RABGAP1L: variants seen among roughly 807,000 people sequenced by gnomAD.
RABGAP1L encodes rab GTPase-activating protein 1-like.
RABGAP1L carries 63 observed loss-of-function variants against 137.7 expected under a neutral mutation model. The observed-to-expected ratio is 0.46, with a 90% CI of 0.37 to 0.56. The LOEUF (loss-of-function observed/expected upper bound fraction) is 0.56. RABGAP1L is among the 20% of genes least tolerant of loss of function. RABGAP1L has a pLI of 0.00. For missense variants in RABGAP1L, 1,095 were observed against 1,244.0 expected, an observed-to-expected ratio of 0.88 and a Z score of 1.80; for synonymous variants, 431 against 433.7, an observed-to-expected ratio of 0.99 and a Z score of 0.08.
At position 174,393,992 on chromosome 1, in the gene RABGAP1L, C is replaced by T. The variant is rs1485433988; in HGVS notation, c.1560-3C>T. 1.9e-6 allele frequency: 3 copies of T among 1,611,134 alleles called. No individual in the cohort carries two copies. Among genetic ancestry groups the T allele is most frequent in the Non-Finnish European group, 2.5e-6 (3 of 1,178,948 alleles). On this transcript the variant is annotated splice_region_variant and splice_polypyrimidine_tract_variant and intron_variant, in intron 12 of 25. Transcript: ENST00000681986. ...TGAATGGATTATTTTCTTGTCTTCTCAGGCACAGTAACCTTGGTGCACGAC... is the reference window on the plus strand; with the variant it reads ...TGAATGGATTATTTTCTTGTCTTCTTAGGCACAGTAACCTTGGTGCACGAC...
At chr1:174,453,612 G>A (rs1364004013) in intron 13 of RABGAP1L, among the ~76,000 whole-genome samples, 4 of 152,110 alleles carry the variant, frequency 2.6e-5, no homozygotes, top group African/African-American at 4.8e-5. Flanking sequence ...GTACTCTGAC[G>A]TGTAGGTTCC....
At chr1:174,458,368 G>T (rs943957994) in intron 13 of RABGAP1L, among the ~76,000 whole-genome samples, 3 of 151,608 alleles carry the variant, frequency 2.0e-5, no homozygotes, top group African/African-American at 7.3e-5. Context: ...AAAAAAATTT[G>T]CTGATGCCTG....
At chr1:174,810,976 C>T (rs1296413137) in intron 18 of RABGAP1L, among the ~76,000 whole-genome samples, 2 of 151,728 alleles carry the variant, frequency 1.3e-5, no homozygotes, top group African/African-American at 4.8e-5. Flanking sequence ...GTGGTGTGTG[C>T]CTGTAGTTCC....
At chr1:174,437,439 C>T (rs1434484966) in intron 13 of RABGAP1L, among the ~76,000 whole-genome samples, 1 of 152,004 alleles carries the variant, frequency 6.6e-6, no homozygotes, top group Non-Finnish European at 1.5e-5. Context: ...CCTCAGTAAC[C>T]GATTCGATCA....
At chr1:174,394,951 T>G (rs1396419851) in intron 13 of RABGAP1L, among the ~76,000 whole-genome samples, 1 of 67,858 alleles carries the variant, frequency 1.5e-5, no homozygotes, top group African/African-American at 1.8e-4. Flanking sequence ...TGAATTCAGT[T>G]TTTTTTTTTT....
At chr1:174,400,354 G>A (rs1429137574) in intron 13 of RABGAP1L, among the ~76,000 whole-genome samples, 4 of 151,982 alleles carry the variant, frequency 2.6e-5, no homozygotes, top group African/African-American at 4.8e-5. Flanking sequence ...ATTGATTAAT[G>A]TCTGCTTCCC....
At chr1:174,854,985 G>A (rs1307703526) in intron 19 of RABGAP1L, among the ~76,000 whole-genome samples, 2 of 151,674 alleles carry the variant, frequency 1.3e-5, no homozygotes, top group Admixed American at 6.6e-5. Flanking sequence ...TGATCCACCC[G>A]CCTCGGCTTC....
At chr1:174,475,153 A>G (rs1658371152) in intron 13 of RABGAP1L, among the ~76,000 whole-genome samples, 1 of 152,026 alleles carries the variant, frequency 6.6e-6, no homozygotes, top group South Asian at 2.1e-4. Context: ...TCACCTTGGG[A>G]GCCTGTTCAA....
At chr1:174,527,658 C>G (rs74488594) in intron 13 of RABGAP1L, among the ~76,000 whole-genome samples, 3,196 of 152,204 alleles carry the variant, frequency 0.021, 117 homozygotes, top group African/African-American at 0.074. Context: ...TCCATTAGGT[C>G]TGAAGTCCAG....
chr1:174,755,597 A>G (rs1684684268), intron 18 of RABGAP1L, among the ~76,000 whole-genome samples: 2 of 152,254 alleles, frequency 1.3e-5, no homozygotes, highest in African/African-American at 4.8e-5. Flanking sequence ...AAGCCCAATC[A>G]TAATCCTGTT....
At chr1:174,691,086 C>G (rs1315453639) in intron 15 of RABGAP1L, among the ~76,000 whole-genome samples, 1 of 152,074 alleles carries the variant, frequency 6.6e-6, no homozygotes, top group Non-Finnish European at 1.5e-5. Context: ...ACACAGCCTC[C>G]CAAAGTGCTG....
intron 17 of RABGAP1L, among the ~76,000 whole-genome samples, chr1:174,749,916 C>T (rs1684209685): frequency 6.6e-6 from 1 of 152,088 alleles, no homozygotes. Context: ...CTCGCTCTGT[C>T]ACCCAGGCTG....
At chr1:174,330,718 T>C (rs1046317704) in intron 11 of RABGAP1L, among the ~76,000 whole-genome samples, 1 of 152,192 alleles carries the variant, frequency 6.6e-6, no homozygotes, top group African/African-American at 2.4e-5. Flanking sequence ...AGATATATCA[T>C]GTTCATGGAT....
At chr1:174,274,468 G>A (rs1674803712) in intron 8 of RABGAP1L, among the ~76,000 whole-genome samples, 2 of 152,060 alleles carry the variant, frequency 1.3e-5, no homozygotes, top group Admixed American at 6.6e-5. Flanking sequence ...CAAGTTTGTA[G>A]CCTTGGAGCA....
chr1:174,183,115 T>A (rs1332537150), intron 1 of RABGAP1L, among the ~76,000 whole-genome samples: 2 of 152,238 alleles, frequency 1.3e-5, no homozygotes, highest in Non-Finnish European at 2.9e-5. Context: ...TATTATTGTT[T>A]TCATCTTTAT....
chr1:174,821,035 A>G lies in RABGAP1L; in HGVS notation c.2340+9075A>G, dbSNP rs1235296241. Among the ~76,000 whole-genome samples, 87 of 152,052 alleles carry G rather than the reference A, an allele frequency of 5.7e-4. 1 individual carries two copies. Among genetic ancestry groups the G allele is most frequent in the Non-Finnish European group, 1.6e-4 (11 of 67,952 alleles). On this transcript the variant is annotated intron_variant, in intron 19 of 25. Coordinates refer to ENST00000681986, the MANE Select transcript of RABGAP1L (RefSeq NM_001366446.1). The stretch of plus-strand genomic sequence containing the variant: ...CCATCTCAAAAAGAAAAAAAAAAAA[A>G]AACTGCCCTGTGCTCATAATTTCCA...
At chr1:174,398,746 C>T (rs368742910) in intron 13 of RABGAP1L, among the ~76,000 whole-genome samples, 29 of 152,056 alleles carry the variant, frequency 1.9e-4, no homozygotes, top group Non-Finnish European at 3.1e-4. Flanking sequence ...CCTCCACCCC[C>T]GAAAATCTAG....
chr1:174,681,825 T>TA (rs1557980145), intron 14 of RABGAP1L, among the ~76,000 whole-genome samples: 1 of 152,248 alleles, frequency 6.6e-6, no homozygotes, highest in East Asian at 1.9e-4. Context: ...TGATAAGCCT[T>TA]GTCCTAGACA....
At chr1:174,571,965 AC>A (rs1405876870) in intron 13 of RABGAP1L, among the ~76,000 whole-genome samples, 1 of 152,196 alleles carries the variant, frequency 6.6e-6, no homozygotes, top group Non-Finnish European at 1.5e-5. Flanking sequence ...GGAACGCCTC[AC>A]AAATAAAATA....
Sources: allele counts gnomAD v4.1 joint callset (sites outside exome capture counted in the v4.1 genomes callset), GRCh38; gene constraint gnomAD v4.1.1; transcripts MANE v1.5; gene names NCBI Gene and HGNC (gene_info 2026-07-23, HGNC 2026-07-21).